UCK2: variants seen among roughly 807,000 people sequenced by gnomAD.
The protein encoded by UCK2 is cytidine monophosphokinase 2.
UCK2 carries 6 observed loss-of-function variants against 30.8 expected under a neutral mutation model. The observed-to-expected ratio is 0.19, with a 90% CI of 0.11 to 0.38. The LOEUF is 0.38. UCK2 is among the 10% of genes least tolerant of loss of function. The probability of loss-of-function intolerance (pLI) is 1.00; values close to 1 mark genes in which losing one functional copy is unlikely to be tolerated. For missense variants in UCK2, 210 were observed against 339.8 expected, an observed-to-expected ratio of 0.62 and a Z score of 3.00; for synonymous variants, 125 against 133.6, an observed-to-expected ratio of 0.94 and a Z score of 0.45.
chr1:165,883,268 A>G (rs1483083628), intron 1 of UCK2, among the ~76,000 whole-genome samples: 1 of 152,210 alleles, frequency 6.6e-6, no homozygotes, highest in African/African-American at 2.4e-5. Flanking sequence ...GAATGTCAAA[A>G]GAGGGAACAG....
intron 3 of UCK2, chr1:165,895,523 T>C: frequency 5.1e-6 from 5 of 985,446 alleles, no homozygotes; most frequent in Non-Finnish European, 6.0e-6. Flanking sequence ...TTCTGCTTTA[T>C]TGATAAGGAA....
intron 3 of UCK2, among the ~76,000 whole-genome samples, chr1:165,893,346 C>T (rs1238367888): frequency 1.3e-5 from 2 of 152,154 alleles, no homozygotes; most frequent in East Asian, 3.8e-4. Context: ...TATTTTAAAA[C>T]CTTATCCTTT....
At chr1:165,879,545 T>TTATTA (rs1655426276) in intron 1 of UCK2, among the ~76,000 whole-genome samples, 8 of 146,836 alleles carry the variant, frequency 5.4e-5, no homozygotes, top group African/African-American at 2.0e-4. Flanking sequence ...ATGTTTGCTT[T>TTATTA]TTATTATTAT....
At chr1:165,860,586 C>G (rs1417697889) in intron 1 of UCK2, among the ~76,000 whole-genome samples, 1 of 152,020 alleles carries the variant, frequency 6.6e-6, no homozygotes, top group Non-Finnish European at 1.5e-5. Context: ...GTAGCTGGGA[C>G]TACAGGTGCA....
At chr1:165,837,791 A>G (rs1328372766) in intron 1 of UCK2, among the ~76,000 whole-genome samples, 2 of 152,166 alleles carry the variant, frequency 1.3e-5, no homozygotes, top group African/African-American at 2.4e-5. Flanking sequence ...TTTTTTTTCA[A>G]ACTCTGTGTA....
At chr1:165,830,792 G>A (rs1223585468) in intron 1 of UCK2, among the ~76,000 whole-genome samples, 5 of 152,080 alleles carry the variant, frequency 3.3e-5, no homozygotes, top group Non-Finnish European at 7.4e-5. Context: ...CTAGCATTTT[G>A]GGAGGCAGAG....
At chr1:165,856,582 T>C in intron 1 of UCK2, among the ~76,000 whole-genome samples, 1 of 152,156 alleles carries the variant, frequency 6.6e-6, no homozygotes. Flanking sequence ...GTTTTTATCT[T>C]GCAATTGGCC....
intron 1 of UCK2, among the ~76,000 whole-genome samples, chr1:165,844,447 G>A (rs1306711947): frequency 6.6e-6 from 1 of 152,178 alleles, no homozygotes; most frequent in East Asian, 1.9e-4. Flanking sequence ...AGAACCTCTT[G>A]TTCTAATATG....
chr1:165,896,524 CATTTGAGAAGGG>C lies in UCK2; in HGVS notation c.499+196_499+207del, dbSNP rs1220998751. Among the ~76,000 whole-genome samples the C allele has an allele frequency of 2.0e-5, 3 of 152,308 alleles. No individual in the cohort carries two copies. In the East Asian group the frequency reaches 5.8e-4, roughly 29 times the overall value. ...ATCCTGCTGCCCAGACACTTGGTAA[CATTTGAGAAGGG>C]ATTAGTCACTTACTGTTTGGGATAA... On this transcript the variant is annotated intron_variant, in intron 4 of 6. Coordinates refer to ENST00000367879, the MANE Select transcript of UCK2 (RefSeq NM_012474.5).
intron 1 of UCK2, among the ~76,000 whole-genome samples, chr1:165,845,802 G>A (rs1654432763): frequency 6.6e-6 from 1 of 152,152 alleles, no homozygotes; most frequent in South Asian, 2.1e-4. Flanking sequence ...TGAGTAGCTG[G>A]TACTATAGGA....
At chr1:165,851,230 G>A (rs1001548507) in intron 1 of UCK2, among the ~76,000 whole-genome samples, 8 of 152,200 alleles carry the variant, frequency 5.3e-5, no homozygotes, top group Non-Finnish European at 1.0e-4. Flanking sequence ...TGAGAAAGAC[G>A]GTTGTGAAAG....
intron 1 of UCK2, among the ~76,000 whole-genome samples, chr1:165,856,093 TAGA>T (rs1044036640): frequency 2.6e-5 from 4 of 152,184 alleles, no homozygotes; most frequent in Admixed American, 6.5e-5. Context: ...TCTTCCAGTG[TAGA>T]AGGTTTTATC....
intron 1 of UCK2, among the ~76,000 whole-genome samples, chr1:165,832,564 G>A (rs1013838233): frequency 1.1e-4 from 17 of 152,110 alleles, no homozygotes; most frequent in Non-Finnish European, 1.6e-4. Context: ...GAGGTTAGGG[G>A]AACTTTTGAC....
In UCK2 at chr1:165,891,321, C is replaced by T. The variant is rs754032654; in HGVS notation, c.355C>T (p.Arg119Trp). ...IPVYDFVSHS[R>W]KEETVTVYPA... ...CGTGTATGACTTTGTCTCCCATTCC[C>T]GGTAAGTGAGCTGTTCTGGGCCAGG... Residue 119 changes from arginine to tryptophan, a missense_variant and splice_region_variant, in exon 3 of 7, where the codon CGG (arginine) becomes TGG (tryptophan). Arg to Trp is a moderately radical substitution (Grantham distance 101, BLOSUM62 -3). This residue lies in a region of UCK2 where 75 missense variants were observed against 124.7 expected (regional missense o/e 0.60). Transcript: ENST00000367879. 4 of 1,613,920 alleles carry T rather than the reference C, an allele frequency of 2.5e-6. No homozygotes were observed. Among genetic ancestry groups the T allele is most frequent in the South Asian group, 1.1e-5 (1 of 91,078 alleles).
intron 1 of UCK2, among the ~76,000 whole-genome samples, chr1:165,878,988 A>G (rs1485164567): frequency 6.6e-6 from 1 of 152,166 alleles, no homozygotes; most frequent in East Asian, 1.9e-4. Context: ...TGGTGTTGTC[A>G]GTGTTCTACA....
At chr1:165,876,625 A>G (rs947584534) in intron 1 of UCK2, among the ~76,000 whole-genome samples, 3 of 152,254 alleles carry the variant, frequency 2.0e-5, no homozygotes, top group African/African-American at 7.2e-5. Flanking sequence ...GAAATTCAAT[A>G]TACCCATTAA....
At chr1:165,863,080 C>T (rs1654959116) in intron 1 of UCK2, among the ~76,000 whole-genome samples, 1 of 152,188 alleles carries the variant, frequency 6.6e-6, no homozygotes, top group Non-Finnish European at 1.5e-5. Flanking sequence ...AAGAGATAGA[C>T]AGCTATTGTG....
chr1:165,874,445 T>TA (rs1267019347), intron 1 of UCK2, among the ~76,000 whole-genome samples: 10 of 152,156 alleles, frequency 6.6e-5, no homozygotes, highest in African/African-American at 2.2e-4. Context: ...CTACCTTTTG[T>TA]AAAAAACATG....
Position 165,827,804 on chromosome 1 carries a change from C to T in UCK2, c.-30C>T, listed in dbSNP as rs762686850. On this transcript the variant is annotated 5_prime_UTR_variant, in exon 1 of 7. Coordinates refer to ENST00000367879, the MANE Select transcript of UCK2 (RefSeq NM_012474.5). ...GGCGGGGAGCGTGCGTCCGTTCGCA[C>T]AGGCAGCGGGAGGAGGGGCGGCGCG... The T allele has an allele frequency of 4.3e-6, 6 of 1,379,606 alleles. No individual in the cohort carries two copies. In the East Asian group the frequency reaches 1.5e-4, roughly 35 times the overall value. The allele number at this position is 1,379,606 out of a possible 1,614,324, so 85.5% of individuals were successfully genotyped here.
Sources: allele counts gnomAD v4.1 joint callset (sites outside exome capture counted in the v4.1 genomes callset), GRCh38; gene constraint gnomAD v4.1.1; regional missense constraint gnomAD v4.1.1; transcripts MANE v1.5; gene names NCBI Gene and HGNC (gene_info 2026-07-23, HGNC 2026-07-21).